CYB5A: variants seen among roughly 807,000 people sequenced by gnomAD.
The protein encoded by CYB5A is cytochrome b5 type A.
Under a neutral mutation model 16.2 loss-of-function variants are expected in CYB5A, and 10 were observed. That is an observed-to-expected ratio of 0.62 (90% confidence interval 0.38 to 1.04). The LOEUF (loss-of-function observed/expected upper bound fraction) is 1.04. CYB5A is among the 50% of genes least tolerant of loss of function. The pLI is 0.01. For synonymous variants in CYB5A, 62 were observed against 57.0 expected (o/e 1.09, Z -0.40); for missense variants, 161 against 165.9 (o/e 0.97, Z 0.16).
chr18:74,261,402 A>C (rs1184395511), intron 2 of CYB5A: 2 of 208,076 alleles, frequency 9.6e-6, no homozygotes, highest in Non-Finnish European at 2.0e-5. Flanking sequence ...AAGCTGTCAA[A>C]AATACAGTGT....
chr18:74,280,417 A>AG (rs1194022394), intron 1 of CYB5A, among the ~76,000 whole-genome samples: 1 of 151,588 alleles, frequency 6.6e-6, no homozygotes, highest in East Asian at 1.9e-4. Context: ...CAAAAAAAAA[A>AG]AAAAAGGGAA....
intron 1 of CYB5A, among the ~76,000 whole-genome samples, chr18:74,275,899 T>G (rs2145067987): frequency 6.6e-6 from 1 of 152,144 alleles, no homozygotes; most frequent in South Asian, 2.1e-4. Flanking sequence ...CGCCACACAG[T>G]AGGGTGGCCA....
At chr18:74,256,979 C>T in intron 3 of CYB5A, 2 of 788,336 alleles carry the variant, frequency 2.5e-6, no homozygotes, top group Non-Finnish European at 4.3e-6. Context: ...GAGGATTTTC[C>T]AAATTGTGTA....
chr18:74,268,556 G>A, intron 1 of CYB5A, among the ~76,000 whole-genome samples: 1 of 152,130 alleles, frequency 6.6e-6, no homozygotes, highest in South Asian at 2.1e-4. Context: ...ATATAACCCA[G>A]GCTTCAGAGT....
chr18:74,282,097 C>T (rs1036634483), intron 1 of CYB5A, among the ~76,000 whole-genome samples: 2 of 152,096 alleles, frequency 1.3e-5, no homozygotes, highest in African/African-American at 2.4e-5. Flanking sequence ...GAGCCTCCCT[C>T]GATGCCATTC....
intron 1 of CYB5A, among the ~76,000 whole-genome samples, chr18:74,279,494 C>T (rs966275231): frequency 6.6e-6 from 1 of 152,198 alleles, no homozygotes; most frequent in Non-Finnish European, 1.5e-5. Flanking sequence ...CGTGCCACTG[C>T]ACTCCAGCCT....
At chr18:74,287,424 A>C (rs1227939237) in intron 1 of CYB5A, among the ~76,000 whole-genome samples, 1 of 152,188 alleles carries the variant, frequency 6.6e-6, no homozygotes, top group Non-Finnish European at 1.5e-5. Context: ...AAGCCTTAGA[A>C]CCACTGGTCT....
chr18:74,291,711 G>A (rs748835589), intron 1 of CYB5A, 36 bp downstream of exon 1: 3 of 1,613,074 alleles, frequency 1.9e-6, no homozygotes, highest in Non-Finnish European at 2.5e-6. Context: ...CCCGGCCCAC[G>A]CTCCCTGCGC....
chr18:74,269,457 A>T (rs1982584153), intron 1 of CYB5A, among the ~76,000 whole-genome samples: 1 of 118,050 alleles, frequency 8.5e-6, no homozygotes, highest in South Asian at 2.8e-4. Flanking sequence ...CCACTTAGAG[A>T]ATCATCTGTC....
chr18:74,253,706 A>G, intron 4 of CYB5A, 41 bp from the exon 5 acceptor site: 4 of 1,333,660 alleles, frequency 3.0e-6, no homozygotes, highest in Non-Finnish European at 4.3e-6. Context: ...CATGATGTGC[A>G]CTGTGGTGGA....
intron 1 of CYB5A, among the ~76,000 whole-genome samples, chr18:74,270,260 T>A (rs1441823482): frequency 6.6e-6 from 1 of 151,966 alleles, no homozygotes; most frequent in Non-Finnish European, 1.5e-5. Flanking sequence ...GATTTCCCCA[T>A]CTAAAGCAGC....
chr18:74,255,453 T>C (rs966805300), intron 4 of CYB5A, among the ~76,000 whole-genome samples: 2 of 152,226 alleles, frequency 1.3e-5, no homozygotes, highest in Admixed American at 1.3e-4. Context: ...GCTGTGGGAC[T>C]GGCCGCCTAA....
At chr18:74,273,268 C>T (rs1231909771) in intron 1 of CYB5A, among the ~76,000 whole-genome samples, 1 of 152,208 alleles carries the variant, frequency 6.6e-6, no homozygotes, top group Non-Finnish European at 1.5e-5. Flanking sequence ...CTCTGCCCAA[C>T]ACCAGTCATC....
intron 1 of CYB5A, among the ~76,000 whole-genome samples, chr18:74,286,536 T>C (rs1377169008): frequency 6.6e-6 from 1 of 152,230 alleles, no homozygotes; most frequent in African/African-American, 2.4e-5. Context: ...ACATATATCA[T>C]TTCTCCCAAT....
intron 1 of CYB5A, among the ~76,000 whole-genome samples, chr18:74,289,007 G>C (rs755860578): frequency 1.3e-5 from 2 of 152,190 alleles, no homozygotes; most frequent in East Asian, 3.9e-4. Flanking sequence ...TGCAGTTCTC[G>C]CAATGCCTGA....
At chr18:74,289,680 G>A (rs1983454135) in intron 1 of CYB5A, among the ~76,000 whole-genome samples, 1 of 151,692 alleles carries the variant, frequency 6.6e-6, no homozygotes, top group South Asian at 2.1e-4. Context: ...GGAGGCTGAG[G>A]CAGGAGAATT....
chr18:74,258,128 G>T (rs1299981019), intron 3 of CYB5A: 1 of 151,974 alleles, frequency 6.6e-6, no homozygotes, highest in Non-Finnish European at 1.5e-5. Context: ...GTCTAACACG[G>T]CAAGCCCAGA....
chr18:74,272,419 C>T (rs1448420080), intron 1 of CYB5A, among the ~76,000 whole-genome samples: 1 of 152,066 alleles, frequency 6.6e-6, no homozygotes, highest in Non-Finnish European at 1.5e-5. Context: ...CATTGAGCAC[C>T]CTTTCTGCAG....
chr18:74,284,012 C>A (rs1260353275), intron 1 of CYB5A, among the ~76,000 whole-genome samples: 1 of 152,104 alleles, frequency 6.6e-6, no homozygotes, highest in Non-Finnish European at 1.5e-5. Context: ...GCGAGTGGAT[C>A]ACTTGAGGTC....
Sources: gnomAD v4.1 joint callset for allele counts (sites outside exome capture counted in the v4.1 genomes callset) on GRCh38, gnomAD v4.1.1 for gene constraint, MANE v1.5 for transcripts, NCBI Gene and HGNC (gene_info 2026-07-23, HGNC 2026-07-21) for gene names.